SOX5: variants seen among roughly 807,000 people sequenced by gnomAD.
The protein encoded by SOX5 is transcription factor SOX-5.
Under a neutral mutation model 92.0 loss-of-function variants are expected in SOX5, and 9 were observed. The observed-to-expected ratio is 0.10, with a 90% CI of 0.06 to 0.17. The LOEUF (loss-of-function observed/expected upper bound fraction) is 0.17. SOX5 is among the 10% of genes least tolerant of loss of function. SOX5 has a pLI of 1.00. For synonymous variants in SOX5, 344 were observed against 336.3 expected (o/e 1.02, Z -0.25); for missense variants, 642 against 944.5 (o/e 0.68, Z 4.20).
chr12:23,976,815 T>G (rs570617435), intron 4 of SOX5, among the ~76,000 whole-genome samples: 1 of 152,096 alleles, frequency 6.6e-6, no homozygotes, highest in Non-Finnish European at 1.5e-5. Context: ...TCTGTTGTTG[T>G]TGTTTTTTTT....
intron 3 of SOX5, among the ~76,000 whole-genome samples, chr12:23,826,610 G>A (rs761651849): frequency 4.6e-5 from 7 of 151,768 alleles, no homozygotes; most frequent in Non-Finnish European, 7.4e-5. Context: ...CAGCCTCCCC[G>A]TTTATGTGTT....
intron 1 of SOX5, among the ~76,000 whole-genome samples, chr12:24,533,777 T>C (rs910993099): frequency 2.0e-5 from 3 of 152,300 alleles, no homozygotes; most frequent in African/African-American, 7.2e-5. Flanking sequence ...CATAACAGAA[T>C]ATGATGACAA....
At chr12:23,787,726 A>G (rs1181538111) in intron 3 of SOX5, among the ~76,000 whole-genome samples, 1 of 152,002 alleles carries the variant, frequency 6.6e-6, no homozygotes, top group Non-Finnish European at 1.5e-5. Flanking sequence ...TTGTCGTCTA[A>G]TCAATCAAAG....
chr12:23,927,321 T>C (rs1200059180), intron 1 of SOX5, among the ~76,000 whole-genome samples: 1 of 152,034 alleles, frequency 6.6e-6, no homozygotes, highest in Non-Finnish European at 1.5e-5. Flanking sequence ...TTGTGAAGAA[T>C]TCATACCATT....
At chr12:23,925,321 G>A (rs995938116) in intron 1 of SOX5, among the ~76,000 whole-genome samples, 6 of 152,032 alleles carry the variant, frequency 3.9e-5, no homozygotes, top group Non-Finnish European at 5.9e-5. Context: ...TTAGTAGAGG[G>A]CAAGTAGTAC....
intron 2 of SOX5, among the ~76,000 whole-genome samples, chr12:24,354,324 T>C (rs1202306496): frequency 6.6e-6 from 1 of 151,170 alleles, no homozygotes; most frequent in Admixed American, 6.6e-5. Context: ...GGGAAGGGAG[T>C]GCACCATGTG....
At chr12:23,664,331 A>G (rs973492983) in intron 7 of SOX5, among the ~76,000 whole-genome samples, 2 of 151,854 alleles carry the variant, frequency 1.3e-5, no homozygotes, top group Non-Finnish European at 2.9e-5. Context: ...ACATATATAT[A>G]TATATAAGCC....
intron 3 of SOX5, among the ~76,000 whole-genome samples, chr12:23,825,477 G>A (rs1293465984): frequency 1.3e-5 from 2 of 152,204 alleles, no homozygotes; most frequent in African/African-American, 4.8e-5. Flanking sequence ...CACCTTCTGC[G>A]TTGGTCTGGA....
At chr12:24,374,811 C>T (rs919502559) in intron 1 of SOX5, among the ~76,000 whole-genome samples, 17 of 152,180 alleles carry the variant, frequency 1.1e-4, no homozygotes, top group African/African-American at 3.9e-4. Context: ...CACAGTGATA[C>T]AGCCTCCCCC....
rs897376419 is a variant in SOX5, at chr12:23,593,505, A to G, written c.1164+10882T>C. ...ACACTAGCTTTGTGCAGTTAATGCC[A>G]CTACCATATTGTATGTACATTAGTG... On this transcript the variant is annotated intron_variant, in intron 9 of 14. Transcript: ENST00000451604. Among the ~76,000 whole-genome samples, 48 of 152,294 alleles carry G rather than the reference A, an allele frequency of 3.2e-4. 1 individual carries two copies. Among genetic ancestry groups the G allele is most frequent in the South Asian group, 1.2e-3 (6 of 4,826 alleles).
intron 2 of SOX5, among the ~76,000 whole-genome samples, chr12:23,889,786 T>C (rs2097109373): frequency 6.6e-6 from 1 of 152,200 alleles, no homozygotes; most frequent in South Asian, 2.1e-4. Context: ...CATTAGTGTA[T>C]GTGTAATGTT....
rs2140177715 is a variant in SOX5, at chr12:23,974,251, C to T, written c.-1-78227G>A. Among the ~76,000 whole-genome samples the T allele has an allele frequency of 1.3e-5, 2 of 152,288 alleles. 1 individual carries two copies. Among genetic ancestry groups the T allele is most frequent in the South Asian group, 4.1e-4 (2 of 4,830 alleles). On this transcript the variant is annotated intron_variant, in intron 4 of 4. Transcript: ENST00000446891. ...AGAGGGACTACAGTTACTATGTTTT[C>T]TTTATCCATTCATCTGTTGATAGAC...
chr12:23,891,227 A>G (rs1051736436), intron 2 of SOX5, among the ~76,000 whole-genome samples: 1 of 152,202 alleles, frequency 6.6e-6, no homozygotes, highest in Admixed American at 6.5e-5. Flanking sequence ...AGTCGCTCTT[A>G]GGCATTTGTT....
chr12:24,440,657 C>A (rs1490545961), intron 1 of SOX5, among the ~76,000 whole-genome samples: 1 of 150,376 alleles, frequency 6.6e-6, no homozygotes, highest in Non-Finnish European at 1.5e-5. Flanking sequence ...AGAAGAAACA[C>A]CTCAGCACCC....
intron 2 of SOX5, among the ~76,000 whole-genome samples, chr12:24,316,008 G>A (rs1262551927): frequency 6.6e-6 from 1 of 152,224 alleles, no homozygotes; most frequent in Admixed American, 6.5e-5. Context: ...GGCCACTGGT[G>A]ATCAGACAAC....
intron 2 of SOX5, among the ~76,000 whole-genome samples, chr12:24,345,924 C>T (rs892339769): frequency 2.0e-5 from 3 of 152,152 alleles, no homozygotes; most frequent in Non-Finnish European, 4.4e-5. Flanking sequence ...CTAGGTACAC[C>T]TTTCCTTCTG....
At chr12:24,324,862 T>A (rs1469437615) in intron 2 of SOX5, among the ~76,000 whole-genome samples, 1 of 152,088 alleles carries the variant, frequency 6.6e-6, no homozygotes, top group Non-Finnish European at 1.5e-5. Flanking sequence ...GGTTAGTTAT[T>A]ACTTTAGTTA....
chr12:24,199,292 C>T (rs1475726457), intron 4 of SOX5, among the ~76,000 whole-genome samples: 1 of 152,188 alleles, frequency 6.6e-6, no homozygotes, highest in Non-Finnish European at 1.5e-5. Context: ...CACCATTTTG[C>T]TCACCCCTGT....
chr12:23,950,993 AC>A, upstream of SOX5: 2 of 784,982 alleles, frequency 2.5e-6, no homozygotes, highest in African/African-American at 3.4e-5. Context: ...ACACACACAC[AC>A]ACACACACAC....
Sources: allele counts gnomAD v4.1 joint callset (sites outside exome capture counted in the v4.1 genomes callset), GRCh38; gene constraint gnomAD v4.1.1; transcripts MANE v1.5; gene names NCBI Gene and HGNC (gene_info 2026-07-23, HGNC 2026-07-21).